Variants in PXN observed in about 807,000 individuals in gnomAD.
The protein encoded by PXN is paxillin, also known as testicular tissue protein Li 134.
Under a neutral mutation model 103.6 loss-of-function variants are expected in PXN, and 61 were observed. That is an observed-to-expected ratio of 0.59 (90% CI 0.48 to 0.73). The LOEUF (loss-of-function observed/expected upper bound fraction) is 0.73. Among genes scored for constraint, PXN ranks in the 30% least tolerant of loss-of-function variants. The pLI, the probability that PXN is intolerant of heterozygous loss-of-function variation, is 0.00. For synonymous variants in PXN, 562 were observed against 607.8 expected (o/e 0.92, Z 1.11); for missense variants, 1,274 against 1,460.3 (o/e 0.87, Z 2.08).
rs908585964 is a variant in PXN at position 120,265,624 on chromosome 12, G to A, written c.6C>T (p.Asp2=). Residue 2 remains aspartate, a synonymous_variant, in exon 1 of 15, where the codon GAC becomes GAT. Transcript: ENST00000637617. This position sits in a 1 kb window ranked among gnomAD's most constrained non-coding sequence, Gnocchi z 5.7. M[D]DLDALLADLE... ...GGCCTCCCGCTCACTCACCGAGGTC[G>A]TCCATGGCCGGACCACGGGCGCCGG... The A allele has an allele frequency of 4.7e-6, 7 of 1,481,492 alleles. No homozygotes were observed. The African/African-American group carries it at 1.0e-4, about 22-fold the overall frequency. 91.8% of individuals were successfully genotyped at this position (1,481,492 alleles called of 1,614,324 possible).
rs1491250709 is a variant in PXN at position 120,215,090 on chromosome 12, TCC to T, written c.2574+11_2574+12del. ...GTCCACTGGCCACACCCCTGCCCAC[TCC>T]CCCTCATCACCTGCCCGGCGATGGG... is the stretch of plus-strand genomic sequence containing the variant. On this transcript the variant is annotated intron_variant, in intron 11 of 14. Transcript: ENST00000637617. This position sits in a 1 kb window ranked among gnomAD's most constrained non-coding sequence, Gnocchi z 4.9. 7 of 1,583,558 alleles carry T rather than the reference TCC, an allele frequency of 4.4e-6. No homozygotes were observed. The highest frequency in any genetic ancestry group is 1.3e-5 in the African/African-American group (1 of 74,300).
In PXN at chr12:120,216,703, C is replaced by T; in HGVS notation, c.1993-122G>A. On this transcript the variant is annotated intron_variant, in intron 8 of 14. Transcript: ENST00000637617. The surrounding 1 kb of genome is among the most constrained non-coding windows in gnomAD (Gnocchi z 5.1). ...ACTCTGCACCAAGAGTGGGGCCAGTCTTCCAAAGTCACAGGAGGCAAGAAA... is the reference window on the plus strand; with the variant it reads ...ACTCTGCACCAAGAGTGGGGCCAGTTTTCCAAAGTCACAGGAGGCAAGAAA... The T allele has an allele frequency of 6.3e-7, 1 of 1,593,936 alleles. No homozygotes were observed. The highest frequency in any genetic ancestry group is 8.5e-7 in the Non-Finnish European group (1 of 1,178,354).
rs941340972 is a variant in PXN at position 120,229,237 on chromosome 12, A to C, written c.14-4860T>G. ...CATGGCACTCAATATCAGATTAAAG[A>C]GAATCAATTAAAACCTTCCGCCCCC... On this transcript the variant is annotated intron_variant, in intron 1 of 14. Transcript: ENST00000637617. The surrounding 1 kb of genome is among the most constrained non-coding windows in gnomAD (Gnocchi z 4.0). 6.6e-6 allele frequency among the ~76,000 whole-genome samples: 1 copy of C among 152,178 alleles called. No individual in the cohort carries two copies. Among genetic ancestry groups the C allele is most frequent in the Non-Finnish European group, 1.5e-5 (1 of 68,024 alleles).
intron 1 of PXN, among the ~76,000 whole-genome samples, chr12:120,262,825 A>G (rs1173987728): frequency 1.3e-5 from 2 of 152,126 alleles, no homozygotes; most frequent in African/African-American, 2.4e-5. Flanking sequence ...CCAGCATCTA[A>G]ACAGTAATAA....
intron 1 of PXN, among the ~76,000 whole-genome samples, chr12:120,253,501 G>A (rs1892532058): frequency 6.6e-6 from 1 of 152,122 alleles, no homozygotes. Flanking sequence ...AAAGAAAAAA[G>A]AGACCGGGCT....
chr12:120,219,550 A>G lies in PXN; in HGVS notation c.1373T>C (p.Phe458Ser). ...RMPPSGAARSFQEVTEPAVVA... is the reference protein window; with the variant it reads ...RMPPSGAARSSQEVTEPAVVA... Reference sequence around the variant, plus strand: ...TACAGCTGGCTCTGTTACTTCTTGGAAGCTTCGAGCAGCTCCAGAGGGGGG... The same window carrying G: ...TACAGCTGGCTCTGTTACTTCTTGGGAGCTTCGAGCAGCTCCAGAGGGGGG... The change falls in exon 7 of 15, where the codon TTC becomes TCC. Residue 458 changes from phenylalanine to serine, a missense_variant. Around this residue, in one of 2 missense-constraint regions of PXN, gnomAD observed 1,178 missense variants for 1,309.0 expected, o/e 0.90. Coordinates refer to ENST00000637617, the MANE Select transcript of PXN (RefSeq NM_001385981.1). The surrounding 1 kb of genome is among the most constrained non-coding windows in gnomAD (Gnocchi z 6.5). 6.3e-7 allele frequency: 1 copy of G among 1,582,680 alleles called. No individual in the cohort carries two copies. The highest frequency in any genetic ancestry group is 8.5e-7 in the Non-Finnish European group (1 of 1,172,096).
At chr12:120,235,838 G>A (rs954234333) in intron 1 of PXN, among the ~76,000 whole-genome samples, 2 of 152,162 alleles carry the variant, frequency 1.3e-5, no homozygotes, top group African/African-American at 2.4e-5. Flanking sequence ...CCTGTGCTAC[G>A]CTGCTTGTGG....
chr12:120,226,545 G>C, intron 1 of PXN: 7 of 1,223,280 alleles, frequency 5.7e-6, no homozygotes, highest in Non-Finnish European at 7.3e-6. Flanking sequence ...TTGAATCAGG[G>C]ACTCCACCAA....
chr12:120,216,425 C>A lies in PXN; in HGVS notation c.2149G>T (p.Ala717Ser). ...ACCCCAGAAGAACCACAGGTATAAG[C>A]TGAGGGCCCCAGGGGGGAGGAGGCG... The part of the protein sequence containing the change: ...LLASSPLGPS[A>S]YTCGSSGVQS... The change falls in exon 9 of 15, where the codon GCT becomes TCT. Residue 717 changes from alanine (A) to serine (S), a missense_variant. Ala to Ser is a moderately conservative substitution (Grantham distance 99). This residue lies in a region of PXN where 1,178 missense variants were observed against 1,309.0 expected (regional missense o/e 0.90). Transcript: ENST00000637617. The surrounding 1 kb of genome is among the most constrained non-coding windows in gnomAD (Gnocchi z 5.1). 2 of 1,374,166 alleles carry A rather than the reference C, an allele frequency of 1.5e-6. No homozygotes were observed. The highest frequency in any genetic ancestry group is 1.9e-6 in the Non-Finnish European group (2 of 1,072,792). The allele number at this position is 1,374,166 out of a possible 1,614,324, so 85.1% of individuals were successfully genotyped here. A position where few individuals can be genotyped will look rare whatever the true frequency, so the allele number is the denominator to read the frequency against.
In PXN at chr12:120,222,041, T is replaced by C. The variant is rs961410460; in HGVS notation, c.696-283A>G. On this transcript the variant is annotated intron_variant, in intron 5 of 14. Coordinates refer to ENST00000637617, the MANE Select transcript of PXN (RefSeq NM_001385981.1). This position sits in a 1 kb window ranked among gnomAD's most constrained non-coding sequence, Gnocchi z 4.7. Reference sequence around the variant, plus strand: ...TGTGTTTCCTCCACAACACTGGACATGGAGGTGAGGCTACTGCAGTAACAC... The same window carrying C: ...TGTGTTTCCTCCACAACACTGGACACGGAGGTGAGGCTACTGCAGTAACAC... Among the ~76,000 whole-genome samples, 6 of 152,122 alleles carry C rather than the reference T, an allele frequency of 3.9e-5. No homozygotes were observed. The highest frequency in any genetic ancestry group is 2.9e-5 in the Non-Finnish European group (2 of 68,000).
chr12:120,222,860 T>C lies in PXN; in HGVS notation c.493+3A>G. The C allele has an allele frequency of 6.2e-7, 1 of 1,613,608 alleles. No individual in the cohort carries two copies. Among genetic ancestry groups the C allele is most frequent in the Middle Eastern group, 1.7e-4 (1 of 6,060 alleles). On this transcript the variant is annotated splice_donor_region_variant and intron_variant, in intron 4 of 14. Transcript: ENST00000637617. This position sits in a 1 kb window ranked among gnomAD's most constrained non-coding sequence, Gnocchi z 4.7. ...AGACCCTGCCCCAGGGACCCGGTCCTACCTGCAGGGAAGCCTGGCGGGTTA... is the reference window on the plus strand; with the variant it reads ...AGACCCTGCCCCAGGGACCCGGTCCCACCTGCAGGGAAGCCTGGCGGGTTA...
chr12:120,214,081 C>A lies in PXN; in HGVS notation c.2830+55G>T, dbSNP rs1051578234. The A allele has an allele frequency of 5.1e-6, 8 of 1,561,500 alleles. No individual in the cohort carries two copies. Among genetic ancestry groups the A allele is most frequent in the South Asian group, 3.5e-5 (3 of 84,806 alleles). On this transcript the variant is annotated intron_variant, in intron 13 of 14. Coordinates refer to ENST00000637617, the MANE Select transcript of PXN (RefSeq NM_001385981.1). The surrounding 1 kb of genome is among the most constrained non-coding windows in gnomAD (Gnocchi z 5.0). ...CAACCTCAGCAGCGTCTCCCACCCC[C>A]ACCTCCCCGGCCCTCCTAAGAGGCG... is the stretch of plus-strand genomic sequence containing the variant.
In PXN at chr12:120,213,798, C is replaced by A; in HGVS notation, c.2979+44G>T. 6.3e-7 allele frequency: 1 copy of A among 1,584,294 alleles called. No individual in the cohort carries two copies. Among genetic ancestry groups the A allele is most frequent in the South Asian group, 1.2e-5 (1 of 86,852 alleles). ...AATGAGGAAGACCCCTCTCTCCCCA[C>A]TGCCTGCTCCTCGCCCCTCCAGATG... On this transcript the variant is annotated intron_variant, in intron 14 of 14. Transcript: ENST00000637617. This position sits in a 1 kb window ranked among gnomAD's most constrained non-coding sequence, Gnocchi z 4.2.
chr12:120,216,998 T>C lies in PXN; in HGVS notation c.1835A>G (p.Gln612Arg), dbSNP rs1273532506. ...ATLSRTPSQE[Q>R]LIAELQGRLG... ...CCGCCCCTGCAGCTCCGCGATGAGC[T>C]GTTCCTGGGATGGGGTCCTGCTCAA... Residue 612 changes from glutamine (Q) to arginine (R), a missense_variant, in exon 8 of 15, where the codon CAG (glutamine) becomes CGG (arginine). Coordinates refer to ENST00000637617, the MANE Select transcript of PXN (RefSeq NM_001385981.1). This position sits in a 1 kb window ranked among gnomAD's most constrained non-coding sequence, Gnocchi z 5.1. 1 of 1,566,202 alleles carries C rather than the reference T, an allele frequency of 6.4e-7. No individual in the cohort carries two copies. The highest frequency in any genetic ancestry group is 8.6e-7 in the Non-Finnish European group (1 of 1,164,020).
intron 1 of PXN, among the ~76,000 whole-genome samples, chr12:120,257,353 T>C (rs763389156): frequency 2.0e-5 from 3 of 152,140 alleles, no homozygotes; most frequent in Non-Finnish European, 2.9e-5. Context: ...CCCTCCCCCA[T>C]AAAACACACA....
Position 120,219,700 on chromosome 12 carries a change from C to A in PXN, c.1223G>T (p.Ser408Ile), listed in dbSNP as rs749658136. The A allele has an allele frequency of 1.8e-5, 28 of 1,593,808 alleles. No individual in the cohort carries two copies. The highest frequency in any genetic ancestry group is 2.7e-5 in the African/African-American group (2 of 74,818). Residue 408 changes from serine (S) to isoleucine (I), a missense_variant, in exon 7 of 15, where the codon AGC (serine) becomes ATC (isoleucine). By Grantham distance (142) the Ser-to-Ile change is moderately radical. Around this residue, in one of 2 missense-constraint regions of PXN, gnomAD observed 1,178 missense variants for 1,309.0 expected, o/e 0.90. Transcript: ENST00000637617. The surrounding 1 kb of genome is among the most constrained non-coding windows in gnomAD (Gnocchi z 6.5). ...PRCHTVPCAG[S>I]TALQEPGEPQ... ...CTCCCCAGGCTCTTGGAGAGCTGTGCTCCCAGCACAGGGTACAGTGTGGCA... is the reference window on the plus strand; with the variant it reads ...CTCCCCAGGCTCTTGGAGAGCTGTGATCCCAGCACAGGGTACAGTGTGGCA...
chr12:120,234,738 C>T (rs373863679), intron 1 of PXN, among the ~76,000 whole-genome samples: 14 of 152,278 alleles, frequency 9.2e-5, no homozygotes, highest in African/African-American at 2.4e-4. Context: ...CACCTCATAG[C>T]GCACAGTGAG....
intron 1 of PXN, among the ~76,000 whole-genome samples, chr12:120,261,890 C>T (rs969516743): frequency 6.6e-6 from 1 of 152,216 alleles, no homozygotes; most frequent in African/African-American, 2.4e-5. Flanking sequence ...AAAGTGTACC[C>T]GCTGAAGAAT....
At chr12:120,233,996 C>G (rs967949423) in intron 1 of PXN, among the ~76,000 whole-genome samples, 4 of 152,164 alleles carry the variant, frequency 2.6e-5, no homozygotes, top group African/African-American at 9.7e-5. Context: ...CCAGAACACT[C>G]TGAGGATCAA....
Sources: allele counts gnomAD v4.1 joint callset (sites outside exome capture counted in the v4.1 genomes callset), GRCh38; gene constraint gnomAD v4.1.1; regional missense constraint gnomAD v4.1.1; non-coding constraint Gnocchi (gnomAD v3.1); transcripts MANE v1.5; gene names NCBI Gene and HGNC (gene_info 2026-07-23, HGNC 2026-07-21).